ZNF521: variants seen among roughly 807,000 people sequenced by gnomAD.
ZNF521 encodes the protein LYST-interacting protein 3.
In ZNF521, 14 loss-of-function variants were observed where a neutral mutation model predicts 105.5. The observed-to-expected ratio is 0.13, with a 90% confidence interval of 0.09 to 0.21. ZNF521 has a LOEUF of 0.21. Ranked by LOEUF, ZNF521 falls within the 10% of genes least tolerant of loss-of-function variation. The pLI, the probability that ZNF521 is intolerant of heterozygous loss-of-function variation, is 1.00. For missense variants in ZNF521, 1,233 were observed against 1,629.7 expected (o/e 0.76, Z 4.19); for synonymous variants, 635 against 606.0 (o/e 1.05, Z -0.70).
At chr18:25,171,396 G>A (rs1442610957) in intron 5 of ZNF521, among the ~76,000 whole-genome samples, 1 of 152,002 alleles carries the variant, frequency 6.6e-6, no homozygotes, top group Admixed American at 6.6e-5. Flanking sequence ...TGTGCTAATG[G>A]AACAAAAGAA....
chr18:25,304,476 T>A (rs1300747640), intron 3 of ZNF521, among the ~76,000 whole-genome samples: 1 of 152,224 alleles, frequency 6.6e-6, no homozygotes, highest in African/African-American at 2.4e-5. Context: ...TGTGCAAACC[T>A]ACAGCACTTT....
chr18:25,121,959 C>A (rs932583798), intron 5 of ZNF521, among the ~76,000 whole-genome samples: 5 of 152,008 alleles, frequency 3.3e-5, no homozygotes, highest in Non-Finnish European at 7.4e-5. Context: ...CAGGAAAATG[C>A]AACACATAGG....
intron 5 of ZNF521, among the ~76,000 whole-genome samples, chr18:25,098,485 G>C (rs1293560347): frequency 2.0e-5 from 3 of 151,668 alleles, no homozygotes; most frequent in Admixed American, 1.3e-4. Flanking sequence ...GTTTTGGAAG[G>C]GCACTGATAA....
At chr18:25,351,983 G>T (rs761666214) in intron 1 of ZNF521, 22 bp downstream of exon 1, 1 of 426,798 alleles carries the variant, frequency 2.3e-6, no homozygotes, top group Non-Finnish European at 4.8e-6. Flanking sequence ...AGTGTGCTGT[G>T]TGCTCCCTCC....
intron 5 of ZNF521, among the ~76,000 whole-genome samples, chr18:25,187,898 T>A (rs1156512109): frequency 6.6e-6 from 1 of 152,158 alleles, no homozygotes; most frequent in Non-Finnish European, 1.5e-5. Context: ...CCACTTCCTG[T>A]CAAGTTAACT....
intron 3 of ZNF521, among the ~76,000 whole-genome samples, chr18:25,278,516 T>C (rs1426991784): frequency 6.6e-6 from 1 of 152,216 alleles, no homozygotes; most frequent in Non-Finnish European, 1.5e-5. Flanking sequence ...CACTCTTGCC[T>C]GCTTTACTGA....
chr18:25,273,491 T>C (rs1909821662), intron 3 of ZNF521: 1 of 152,184 alleles, frequency 6.6e-6, no homozygotes, highest in Admixed American at 6.5e-5. Flanking sequence ...GTTAAGGGCA[T>C]GGAATCTGGA....
At chr18:25,072,504 C>T (rs1013726656) in intron 7 of ZNF521, among the ~76,000 whole-genome samples, 1 of 152,106 alleles carries the variant, frequency 6.6e-6, no homozygotes, top group Non-Finnish European at 1.5e-5. Flanking sequence ...CTGACAATAG[C>T]GTGCACTATG....
At chr18:25,217,149 G>GA (rs1648005222) in intron 4 of ZNF521, among the ~76,000 whole-genome samples, 3 of 152,230 alleles carry the variant, frequency 2.0e-5, no homozygotes, top group African/African-American at 7.2e-5. Context: ...GGGAAGCCAC[G>GA]AAAAAATTTT....
At chr18:25,318,369 A>C (rs1004875801) in intron 3 of ZNF521, among the ~76,000 whole-genome samples, 1 of 152,236 alleles carries the variant, frequency 6.6e-6, no homozygotes, top group African/African-American at 2.4e-5. Flanking sequence ...GAAAGAAATT[A>C]TATCTTAAGA....
intron 7 of ZNF521, among the ~76,000 whole-genome samples, chr18:25,081,795 T>A (rs1040507255): frequency 6.6e-6 from 1 of 152,178 alleles, no homozygotes; most frequent in Admixed American, 6.5e-5. Flanking sequence ...AACTGCAACC[T>A]CCCTCCTTTG....
intron 5 of ZNF521, among the ~76,000 whole-genome samples, chr18:25,116,146 C>G (rs1027862885): frequency 6.6e-6 from 1 of 152,130 alleles, no homozygotes; most frequent in Non-Finnish European, 1.5e-5. Flanking sequence ...AACTCAGCTG[C>G]TAAGAGTTTT....
At chr18:25,114,321 A>G (rs971644137) in intron 5 of ZNF521, among the ~76,000 whole-genome samples, 2 of 152,202 alleles carry the variant, frequency 1.3e-5, no homozygotes, top group African/African-American at 4.8e-5. Context: ...CCAAGAGATT[A>G]CAAATTTCCC....
intron 5 of ZNF521, among the ~76,000 whole-genome samples, chr18:25,177,074 A>T (rs2035548023): frequency 6.6e-6 from 1 of 151,860 alleles, no homozygotes; most frequent in Non-Finnish European, 1.5e-5. Context: ...GCTAAATTTC[A>T]TGTCACTTTC....
intron 2 of ZNF521, among the ~76,000 whole-genome samples, chr18:25,341,877 G>C (rs186367395): frequency 1.1e-3 from 163 of 152,290 alleles, no homozygotes; most frequent in African/African-American, 3.8e-3. Context: ...TATCTGTTTG[G>C]TTCACAGCTG....
intron 5 of ZNF521, among the ~76,000 whole-genome samples, chr18:25,092,860 C>T (rs2033775525): frequency 6.6e-6 from 1 of 152,136 alleles, no homozygotes; most frequent in Admixed American, 6.6e-5. Flanking sequence ...TACATAGACA[C>T]TGTTATTTTA....
At chr18:25,073,651 C>T (rs1479758482) in intron 7 of ZNF521, among the ~76,000 whole-genome samples, 2 of 152,156 alleles carry the variant, frequency 1.3e-5, no homozygotes, top group African/African-American at 4.8e-5. Context: ...AAGGAGGGAG[C>T]CAAGACTCTT....
At chr18:25,341,049 A>G (rs1914172367) in intron 2 of ZNF521, among the ~76,000 whole-genome samples, 1 of 152,136 alleles carries the variant, frequency 6.6e-6, no homozygotes. Flanking sequence ...GGTCAGTTAC[A>G]CTCCCCACCA....
At chr18:25,317,472 T>C (rs1342158227) in intron 3 of ZNF521, among the ~76,000 whole-genome samples, 1 of 152,114 alleles carries the variant, frequency 6.6e-6, no homozygotes, top group Non-Finnish European at 1.5e-5. Context: ...TTTTCTAAAT[T>C]ATATGAATTT....
Sources: gnomAD v4.1 joint callset for allele counts (sites outside exome capture counted in the v4.1 genomes callset) on GRCh38, gnomAD v4.1.1 for gene constraint, MANE v1.5 for transcripts, NCBI Gene and HGNC (gene_info 2026-07-23, HGNC 2026-07-21) for gene names.